SLC38A9: variants seen among roughly 807,000 people sequenced by gnomAD.
SLC38A9 encodes the protein solute carrier family 38 member 9, also known as neutral amino acid transporter 9.
Under a neutral mutation model 62.3 loss-of-function variants are expected in SLC38A9, and 48 were observed. The observed-to-expected ratio is 0.77, with a 90% CI of 0.61 to 0.98. The LOEUF (loss-of-function observed/expected upper bound fraction) is 0.98. Among genes scored for constraint, SLC38A9 ranks in the 50% least tolerant of loss-of-function variants. The pLI is 0.00. For synonymous variants in SLC38A9, 204 were observed against 227.7 expected, an observed-to-expected ratio of 0.90 and a Z score of 0.94; for missense variants, 541 against 679.8, an observed-to-expected ratio of 0.80 and a Z score of 2.27.
chr5:55,651,229 G>C (rs1210697694), intron 10 of SLC38A9, among the ~76,000 whole-genome samples: 1 of 128,316 alleles, frequency 7.8e-6, no homozygotes, highest in Non-Finnish European at 1.7e-5. Flanking sequence ...ACTTTCACTG[G>C]GGGGGTTCCT....
At chr5:55,645,473 T>A (rs1458132032) in intron 12 of SLC38A9, among the ~76,000 whole-genome samples, 2 of 152,266 alleles carry the variant, frequency 1.3e-5, no homozygotes, top group Admixed American at 6.5e-5. Context: ...TTGTCTGATG[T>A]CTGTTTTTGT....
chr5:55,655,467 C>T (rs948692626), intron 9 of SLC38A9, among the ~76,000 whole-genome samples: 1 of 152,024 alleles, frequency 6.6e-6, no homozygotes, highest in Non-Finnish European at 1.5e-5. Flanking sequence ...TTTGAAAATT[C>T]TGAAGTAAGG....
At chr5:55,660,216 G>GC (rs1749272217) in intron 8 of SLC38A9, among the ~76,000 whole-genome samples, 2 of 151,930 alleles carry the variant, frequency 1.3e-5, no homozygotes, top group Non-Finnish European at 2.9e-5. Context: ...TTCAAGACCA[G>GC]CCTGGGCAAC....
chr5:55,710,140 G>T (rs1757826064), intron 2 of SLC38A9, among the ~76,000 whole-genome samples: 1 of 147,922 alleles, frequency 6.8e-6, no homozygotes, highest in African/African-American at 2.5e-5. Flanking sequence ...GTTCTCAGAA[G>T]TCTAGGGGAA....
At chr5:55,672,844 G>T in intron 3 of SLC38A9, 149 bp from the exon 4 acceptor site, 1 of 717,914 alleles carries the variant, frequency 1.4e-6, no homozygotes, top group Non-Finnish European at 2.2e-6. Flanking sequence ...AACAGAAAAT[G>T]TTACAAAAGA....
chr5:55,705,791 TC>T (rs1465887232), intron 2 of SLC38A9, among the ~76,000 whole-genome samples: 1 of 151,534 alleles, frequency 6.6e-6, no homozygotes, highest in Non-Finnish European at 1.5e-5. Context: ...CACTGCAACC[TC>T]CGCCTCCCCA....
intron 14 of SLC38A9, among the ~76,000 whole-genome samples, chr5:55,629,832 G>A (rs1034161708): frequency 4.6e-5 from 7 of 152,202 alleles, no homozygotes; most frequent in African/African-American, 1.4e-4. Context: ...GAGCTTGACA[G>A]TTTCCCAATG....
chr5:55,677,926 TTGTGTGTGTGTG>T (rs10682261), intron 3 of SLC38A9, among the ~76,000 whole-genome samples: 6 of 112,144 alleles, frequency 5.4e-5, no homozygotes, highest in Non-Finnish European at 7.3e-5. Context: ...TTTTTCTTTA[TTGTGTGTGTGTG>T]TGTGTGTGTG....
Position 55,626,396 on chromosome 5 carries a change from G to T in SLC38A9, c.*98C>A. 5.8e-6 allele frequency: 6 copies of T among 1,033,676 alleles called. No homozygotes were observed. Among genetic ancestry groups the T allele is most frequent in the Non-Finnish European group, 8.4e-6 (6 of 714,980 alleles). The allele number at this position is 1,033,676 out of a possible 1,614,324, so 64.0% of individuals were successfully genotyped here. ...TTCAAATTATCTTAGAAAATATTTAGAATTACACAACAGCAGCATTTACAA... is the reference window on the plus strand; with the variant it reads ...TTCAAATTATCTTAGAAAATATTTATAATTACACAACAGCAGCATTTACAA... On this transcript the variant is annotated 3_prime_UTR_variant, in exon 16 of 16. Transcript: ENST00000396865.
chr5:55,703,625 TTCTC>T (rs147986742), intron 2 of SLC38A9, among the ~76,000 whole-genome samples: 115 of 152,342 alleles, frequency 7.5e-4, no homozygotes, highest in Non-Finnish European at 1.4e-3. Context: ...AGCCTGCTCT[TTCTC>T]TTCCTTCCTT....
chr5:55,659,355 G>C (rs1382356917), intron 8 of SLC38A9, among the ~76,000 whole-genome samples: 1 of 145,332 alleles, frequency 6.9e-6, no homozygotes, highest in Admixed American at 6.9e-5. Flanking sequence ...ATACATATAT[G>C]AACTATTAAA....
intron 11 of SLC38A9, 103 bp from the exon 12 acceptor site, chr5:55,645,998 A>G (rs536082784): frequency 2.9e-6 from 2 of 698,020 alleles, no homozygotes; most frequent in East Asian, 5.4e-5. Flanking sequence ...TGTTTTATCC[A>G]GGGAATAAGA....
Position 55,696,811 on chromosome 5 carries a change from G to A in SLC38A9, c.113+1035C>T, listed in dbSNP as rs556978404. On this transcript the variant is annotated intron_variant, in intron 3 of 15. Coordinates refer to ENST00000396865, the MANE Select transcript of SLC38A9 (RefSeq NM_173514.4). ...AGGCTCCTCACTTCTCATACGGGGC[G>A]GCTGCCGGGCGGAGGGTCTCCTCTC... 4.1e-3 allele frequency: 654 copies of A among 160,272 alleles called. 3 individuals carry two copies. Among genetic ancestry groups the A allele is most frequent in the African/African-American group, 0.015 (616 of 40,792 alleles). The allele number at this position is 160,272 out of a possible 1,614,324, so 9.9% of individuals were successfully genotyped here.
intron 7 of SLC38A9, among the ~76,000 whole-genome samples, chr5:55,668,686 TTGTTTAGG>T (rs1750840461): frequency 6.6e-6 from 1 of 152,244 alleles, no homozygotes; most frequent in Non-Finnish European, 1.5e-5. Flanking sequence ...TAATGCATGT[TTGTTTAGG>T]TCCTAGACTA....
chr5:55,651,826 C>T (rs1231375503), intron 10 of SLC38A9, among the ~76,000 whole-genome samples: 1 of 151,996 alleles, frequency 6.6e-6, no homozygotes, highest in East Asian at 1.9e-4. Context: ...CCGTTAGAAT[C>T]AAGAATTCCT....
intron 3 of SLC38A9, among the ~76,000 whole-genome samples, chr5:55,688,541 G>A (rs993322478): frequency 3.3e-5 from 5 of 151,710 alleles, no homozygotes; most frequent in Admixed American, 2.6e-4. Context: ...CACCATGCCC[G>A]GCTCATTTTT....
intron 12 of SLC38A9, among the ~76,000 whole-genome samples, chr5:55,644,245 G>A (rs1350001000): frequency 6.6e-6 from 1 of 152,124 alleles, no homozygotes; most frequent in Non-Finnish European, 1.5e-5. Context: ...ATAGGTGTGA[G>A]CCACCACACC....
chr5:55,648,512 C>A (rs1263916198), intron 11 of SLC38A9, among the ~76,000 whole-genome samples: 1 of 151,918 alleles, frequency 6.6e-6, no homozygotes, highest in Non-Finnish European at 1.5e-5. Context: ...TTTGAAAAGG[C>A]ATATCAAGAA....
intron 14 of SLC38A9, among the ~76,000 whole-genome samples, chr5:55,629,417 T>TA (rs1190590122): frequency 6.6e-6 from 1 of 152,054 alleles, no homozygotes; most frequent in African/African-American, 2.4e-5. Context: ...CTCCAAAGTA[T>TA]AAAAAAAGTC....
Sources: allele counts gnomAD v4.1 joint callset (sites outside exome capture counted in the v4.1 genomes callset), GRCh38; gene constraint gnomAD v4.1.1; transcripts MANE v1.5; gene names NCBI Gene and HGNC (gene_info 2026-07-23, HGNC 2026-07-21).